Variants in GPR83 observed in about 807,000 individuals in gnomAD.
GPR83 encodes G protein-coupled receptor 83, also known as G-protein coupled receptor 72.
GPR83 carries 23 observed loss-of-function variants against 28.0 expected under a neutral mutation model. The ratio of observed to expected loss-of-function variants is 0.82; its 90% CI spans 0.59 to 1.16. The LOEUF is 1.16. Ranked by LOEUF, GPR83 falls within the 50% of genes most tolerant of loss-of-function variation. GPR83 has a pLI of 0.00. For synonymous variants in GPR83, 234 were observed against 215.4 expected, an observed-to-expected ratio of 1.09 and a Z score of -0.76; for missense variants, 610 against 536.6, an observed-to-expected ratio of 1.14 and a Z score of -1.35.
chr11:94,389,177 G>A (rs1211142405), intron 3 of GPR83, among the ~76,000 whole-genome samples: 1 of 152,160 alleles, frequency 6.6e-6, no homozygotes, highest in South Asian at 2.1e-4. Context: ...ATTAATTCAA[G>A]ATGGATTAAA....
chr11:94,393,113 C>A (rs1284865092), intron 3 of GPR83, among the ~76,000 whole-genome samples: 1 of 152,152 alleles, frequency 6.6e-6, no homozygotes, highest in Non-Finnish European at 1.5e-5. Context: ...GGCATGCATG[C>A]GGATTTTGTT....
At chr11:94,389,260 A>G (rs1232478219) in intron 3 of GPR83, among the ~76,000 whole-genome samples, 1 of 152,228 alleles carries the variant, frequency 6.6e-6, no homozygotes, top group Non-Finnish European at 1.5e-5. Flanking sequence ...GGACACAGGC[A>G]TGGGCAAGGA....
At chr11:94,394,620 G>C (rs1016270128) in intron 2 of GPR83, among the ~76,000 whole-genome samples, 1 of 152,116 alleles carries the variant, frequency 6.6e-6, no homozygotes, top group Non-Finnish European at 1.5e-5. Flanking sequence ...TTCTGGCTGT[G>C]TCTCGAGCTT....
chr11:94,393,043 A>T (rs1405229252), intron 3 of GPR83, among the ~76,000 whole-genome samples: 1 of 152,218 alleles, frequency 6.6e-6, no homozygotes, highest in East Asian at 1.9e-4. Flanking sequence ...TCATTCAGTG[A>T]TAGCATATGA....
chr11:94,394,603 C>A (rs888631658), intron 2 of GPR83, among the ~76,000 whole-genome samples: 1 of 152,190 alleles, frequency 6.6e-6, no homozygotes, highest in Non-Finnish European at 1.5e-5. Context: ...CCAGAACACA[C>A]TGGACATTCT....
intron 1 of GPR83, among the ~76,000 whole-genome samples, chr11:94,400,582 G>A (rs927726732): frequency 6.6e-6 from 1 of 150,574 alleles, no homozygotes; most frequent in Non-Finnish European, 1.5e-5. Flanking sequence ...CTGAGAGATA[G>A]AGAAGAGAGA....
chr11:94,397,160 G>A (rs1302800073), intron 1 of GPR83, among the ~76,000 whole-genome samples: 1 of 152,174 alleles, frequency 6.6e-6, no homozygotes, highest in Non-Finnish European at 1.5e-5. Flanking sequence ...GACACCCAGG[G>A]ACCTGGAGAG....
chr11:94,380,824 A>G (rs1565183442), intron 3 of GPR83, 51 bp from the exon 4 acceptor site: 3 of 1,510,976 alleles, frequency 2.0e-6, no homozygotes, highest in South Asian at 2.5e-5. Flanking sequence ...AGGAGATATT[A>G]GTGTGGAAAG....
In GPR83 at chr11:94,378,970, G is replaced by A. The variant is rs1394136186; in HGVS notation, c.*1179C>T. 6.6e-6 allele frequency: 1 copy of A among 152,194 alleles called. No homozygotes were observed. Among genetic ancestry groups the A allele is most frequent in the East Asian group, 1.9e-4 (1 of 5,190 alleles). The allele number at this position is 152,194 out of a possible 1,614,324, so 9.4% of individuals were successfully genotyped here. A position where few individuals can be genotyped will look rare whatever the true frequency, so the allele number is the denominator to read the frequency against. On this transcript the variant is annotated 3_prime_UTR_variant, in exon 4 of 4. Coordinates refer to ENST00000243673, the MANE Select transcript of GPR83 (RefSeq NM_016540.4). ...GGCAGTTCTGTCTGCGTGGTGACAGGCTTCACCTTGGGATCTTCTCACCTC... is the reference window on the plus strand; with the variant it reads ...GGCAGTTCTGTCTGCGTGGTGACAGACTTCACCTTGGGATCTTCTCACCTC...
At chr11:94,396,610 A>T (rs1439066274) in intron 1 of GPR83, 86 bp from the exon 2 acceptor site, 6 of 1,365,484 alleles carry the variant, frequency 4.4e-6, no homozygotes, top group Middle Eastern at 3.7e-4. Context: ...GCATGCCCTT[A>T]GGGGGATTCC....
At chr11:94,385,032 C>T (rs1456728178) in intron 3 of GPR83, among the ~76,000 whole-genome samples, 1 of 152,210 alleles carries the variant, frequency 6.6e-6, no homozygotes, top group African/African-American at 2.4e-5. Context: ...GCAACATTTG[C>T]TGTTCACCAA....
intron 1 of GPR83, 22 bp from the exon 2 acceptor site, chr11:94,396,546 T>C: frequency 6.2e-7 from 1 of 1,610,914 alleles, no homozygotes; most frequent in Non-Finnish European, 8.5e-7. Flanking sequence ...CCCAAAGATG[T>C]TAGGAGACAG....
At chr11:94,391,805 T>C (rs936191517) in intron 3 of GPR83, among the ~76,000 whole-genome samples, 1 of 152,146 alleles carries the variant, frequency 6.6e-6, no homozygotes, top group Non-Finnish European at 1.5e-5. Context: ...ATGGCAATCA[T>C]TAAAAAGTCA....
chr11:94,396,273 G>T, intron 2 of GPR83, 126 bp downstream of exon 2: 1 of 858,598 alleles, frequency 1.2e-6, no homozygotes, highest in Non-Finnish European at 1.9e-6. Flanking sequence ...TGTTCATGTT[G>T]ATCAATAAGA....
At position 94,393,531 on chromosome 11, in the gene GPR83, A is replaced by G. The variant is rs750114097; in HGVS notation, c.601T>C (p.Ser201Pro). The G allele has an allele frequency of 2.5e-6, 4 of 1,613,806 alleles. No individual in the cohort carries two copies. In the East Asian group the frequency reaches 8.9e-5, roughly 36 times the overall value. Residue 201 changes from serine to proline, a missense_variant, in exon 3 of 4, where the codon TCA becomes CCA. By Grantham distance (74) the Ser-to-Pro change is moderately conservative. Coordinates refer to ENST00000243673, the MANE Select transcript of GPR83 (RefSeq NM_016540.4). The part of the protein sequence containing the change: ...AVIWTMATFF[S>P]LPHAICQKLF... The stretch of plus-strand genomic sequence containing the variant: ...TTCTGGCAGATAGCATGTGGGAGTG[A>G]AAAGAACGTAGCCATGGTCCAGATG...
Position 94,396,301 on chromosome 11 carries a change from G to A in GPR83, c.513+98C>T. 4 of 1,149,358 alleles carry A rather than the reference G, an allele frequency of 3.5e-6. No individual in the cohort carries two copies. The South Asian group carries it at 5.4e-5, about 16-fold the overall frequency. The allele number at this position is 1,149,358 out of a possible 1,614,324, so 71.2% of individuals were successfully genotyped here. A position where few individuals can be genotyped will look rare whatever the true frequency, so the allele number is the denominator to read the frequency against. The stretch of plus-strand genomic sequence containing the variant: ...CAATAAGAAGAGAAACACACTCATT[G>A]AAAACTGGGCTAAAACACTGTCTTC... On this transcript the variant is annotated intron_variant, in intron 2 of 3. Transcript: ENST00000243673.
In GPR83 at chr11:94,393,595, G is replaced by T. The variant is rs767295508; in HGVS notation, c.537C>A (p.Pro179=). The T allele has an allele frequency of 6.2e-7, 1 of 1,613,812 alleles. No homozygotes were observed. Among genetic ancestry groups the T allele is most frequent in the Admixed American group, 1.7e-5 (1 of 59,988 alleles). ...RHQVIMHPLK[P]RISITKGVIY... The stretch of plus-strand genomic sequence containing the variant: ...TGACACCCTTTGTGATTGAGATCCG[G>T]GGTTTCAAGGGGTGCATGATGACCT... The change falls in exon 3 of 4, where the codon CCC becomes CCA. Residue 179 remains proline, a synonymous_variant. Coordinates refer to ENST00000243673, the MANE Select transcript of GPR83 (RefSeq NM_016540.4).
intron 3 of GPR83, among the ~76,000 whole-genome samples, chr11:94,389,331 A>G (rs1401782889): frequency 6.6e-6 from 1 of 152,206 alleles, no homozygotes; most frequent in East Asian, 1.9e-4. Flanking sequence ...AATGGGATCT[A>G]ATTAAACTAA....
chr11:94,388,863 C>T (rs1944785612), intron 3 of GPR83, among the ~76,000 whole-genome samples: 1 of 152,144 alleles, frequency 6.6e-6, no homozygotes, highest in African/African-American at 2.4e-5. Context: ...CCCACATTGC[C>T]AAGTCAATCC....
Sources: allele counts gnomAD v4.1 joint callset (sites outside exome capture counted in the v4.1 genomes callset), GRCh38; gene constraint gnomAD v4.1.1; transcripts MANE v1.5; gene names NCBI Gene and HGNC (gene_info 2026-07-23, HGNC 2026-07-21).